The following TMEM41B variants were observed in gnomAD, a reference collection of about 807,000 sequenced individuals.
The protein encoded by TMEM41B is protein stasimon.
A neutral mutation model predicts 31.9 loss-of-function variants in TMEM41B; 18 were observed. The ratio of observed to expected loss-of-function variants is 0.56; its 90% CI spans 0.39 to 0.84. The LOEUF is 0.84. Among genes scored for constraint, TMEM41B ranks in the 40% least tolerant of loss-of-function variants. TMEM41B has a pLI of 0.00. For missense variants in TMEM41B, 322 were observed against 348.0 expected, an observed-to-expected ratio of 0.93 and a Z score of 0.59; for synonymous variants, 144 against 124.3, an observed-to-expected ratio of 1.16 and a Z score of -1.05.
At chr11:9,308,647 T>TGATC (rs1162552252) in intron 1 of TMEM41B, among the ~76,000 whole-genome samples, 1 of 152,180 alleles carries the variant, frequency 6.6e-6, no homozygotes, top group African/African-American at 2.4e-5. Flanking sequence ...AATCACTGAG[T>TGATC]GATCCATCAC....
intron 6 of TMEM41B, among the ~76,000 whole-genome samples, chr11:9,285,440 A>G (rs1039613889): frequency 1.3e-5 from 2 of 152,146 alleles, no homozygotes; most frequent in Non-Finnish European, 2.9e-5. Flanking sequence ...TCAAAAAGAC[A>G]TATTCTCACA....
At chr11:9,309,111 G>C (rs1167485640) in intron 1 of TMEM41B, among the ~76,000 whole-genome samples, 1 of 152,170 alleles carries the variant, frequency 6.6e-6, no homozygotes, top group African/African-American at 2.4e-5. Context: ...GCTGGGCGTG[G>C]TGACGTGTGC....
chr11:9,314,495 ACT>A lies in TMEM41B; in HGVS notation c.-56_-55del, dbSNP rs1853645572. On this transcript the variant is annotated 5_prime_UTR_variant, in exon 1 of 7. Transcript: ENST00000528080. Reference sequence around the variant, plus strand: ...GGTGCCGCGCCCCCTAAACAACAAAACTCTGTTGCAGGCTCCTTACTACGCCG... The same window carrying A: ...GGTGCCGCGCCCCCTAAACAACAAAACTGTTGCAGGCTCCTTACTACGCCG... 1.7e-5 allele frequency: 26 copies of A among 1,503,866 alleles called. No individual in the cohort carries two copies. Among genetic ancestry groups the A allele is most frequent in the Non-Finnish European group, 2.1e-5 (24 of 1,121,526 alleles). 93.2% of individuals were successfully genotyped at this position (1,503,866 alleles called of 1,614,324 possible). A position where few individuals can be genotyped will look rare whatever the true frequency, so the allele number is the denominator to read the frequency against.
At position 9,286,160 on chromosome 11, in the gene TMEM41B, T is replaced by C. The variant is rs77492596; in HGVS notation, c.706+295A>G. 4.0e-3 allele frequency among the ~76,000 whole-genome samples: 589 copies of C among 147,702 alleles called. 10 individuals carry two copies. The highest frequency in any genetic ancestry group is 0.026 in the East Asian group (132 of 5,006). ...GGAGAAAATTGCTCAAAAAAGGCAA[T>C]TTGATTTTTTTTCCTCTCCACTTAG... On this transcript the variant is annotated intron_variant, in intron 6 of 6. Transcript: ENST00000528080.
At position 9,281,402 on chromosome 11, in the gene TMEM41B, AAT is replaced by A. The variant is rs1179338040; in HGVS notation, c.*2020_*2021del. On this transcript the variant is annotated 3_prime_UTR_variant, in exon 7 of 7. Coordinates refer to ENST00000528080, the MANE Select transcript of TMEM41B (RefSeq NM_015012.4). ...GTGACATAAGAATACTACAATAATC[AAT>A]ATGTTTTCTTTGTATTTACAATAAA... 1 of 152,348 alleles carries A rather than the reference AAT, an allele frequency of 6.6e-6. No individual in the cohort carries two copies. Among genetic ancestry groups the A allele is most frequent in the East Asian group, 1.9e-4 (1 of 5,186 alleles). The allele number at this position is 152,348 out of a possible 1,614,324, so 9.4% of individuals were successfully genotyped here.
At chr11:9,293,217 C>A (rs1243453877) in intron 3 of TMEM41B, among the ~76,000 whole-genome samples, 1 of 151,916 alleles carries the variant, frequency 6.6e-6, no homozygotes, top group African/African-American at 2.4e-5. Context: ...ATCTTCCCAC[C>A]TCAGCCTCCC....
rs200007161 is a variant in TMEM41B at position 9,288,460 on chromosome 11, G to A, written c.444C>T (p.Ala148=). 1.9e-6 allele frequency: 3 copies of A among 1,585,198 alleles called. No individual in the cohort carries two copies. Among genetic ancestry groups the A allele is most frequent in the East Asian group, 2.3e-5 (1 of 44,258 alleles). The change falls in exon 4 of 7, where the codon GCC becomes GCT. Residue 148 remains alanine (A), a synonymous_variant. Transcript: ENST00000528080. ...TACTTACCAAACAAACAAGAAATAAGGCTAGTGGAAAGGGATAAAGAAACC... is the reference window on the plus strand; with the variant it reads ...TACTTACCAAACAAACAAGAAATAAAGCTAGTGGAAAGGGATAAAGAAACC... ...LSGFLYPFPL[A]LFLVCLCSGL...
At chr11:9,288,580 T>C (rs771829085) in intron 3 of TMEM41B, 45 bp from the exon 4 acceptor site, 1 of 1,341,182 alleles carries the variant, frequency 7.5e-7, no homozygotes, top group Non-Finnish European at 1.0e-6. Context: ...TAAGTAGAAT[T>C]TTAAAAGACA....
intron 3 of TMEM41B, among the ~76,000 whole-genome samples, chr11:9,291,981 T>C (rs965582817): frequency 6.6e-6 from 1 of 152,142 alleles, no homozygotes; most frequent in Non-Finnish European, 1.5e-5. Context: ...ACTGGAATTA[T>C]AGGTGTTAGC....
intron 5 of TMEM41B, 66 bp from the exon 6 acceptor site, chr11:9,286,659 AAC>A: frequency 6.8e-7 from 1 of 1,461,708 alleles, no homozygotes; most frequent in East Asian, 2.3e-5. Flanking sequence ...GCTTAATATA[AAC>A]ACCTTATTTC....
In TMEM41B at chr11:9,294,773, T is replaced by C. The variant is rs547755743; in HGVS notation, c.368+486A>G. Among the ~76,000 whole-genome samples, 43 of 152,070 alleles carry C rather than the reference T, an allele frequency of 2.8e-4. No individual in the cohort carries two copies. The South Asian group carries it at 8.1e-3, about 29-fold the overall frequency. Reference sequence around the variant, plus strand: ...AAACATTCATTCCTTTGAATAAGTATCTTAAGAATTTTTACAAAAGAAACA... The same window carrying C: ...AAACATTCATTCCTTTGAATAAGTACCTTAAGAATTTTTACAAAAGAAACA... On this transcript the variant is annotated intron_variant, in intron 3 of 6. Coordinates refer to ENST00000528080, the MANE Select transcript of TMEM41B (RefSeq NM_015012.4).
At chr11:9,299,046 CGA>C (rs1853171860) in intron 2 of TMEM41B, among the ~76,000 whole-genome samples, 1 of 151,678 alleles carries the variant, frequency 6.6e-6, no homozygotes, top group Non-Finnish European at 1.5e-5. Flanking sequence ...TTTGGGAGGC[CGA>C]GGCAGGTGGA....
intron 1 of TMEM41B, among the ~76,000 whole-genome samples, chr11:9,310,327 TCA>T (rs773883771): frequency 3.9e-5 from 6 of 151,900 alleles, no homozygotes; most frequent in Non-Finnish European, 8.8e-5. Context: ...AGCCACCATG[TCA>T]GCCTAAGTAA....
chr11:9,311,354 T>C (rs1460863807), intron 1 of TMEM41B: 1 of 1,502,710 alleles, frequency 6.7e-7, no homozygotes, highest in African/African-American at 1.4e-5. Context: ...CTTTCTTCAT[T>C]TTCTTCTGTA....
chr11:9,313,355 T>C lies in TMEM41B; in HGVS notation c.121+966A>G, dbSNP rs989508920. ...ATTAACATTTTCTACTACATACTCT[T>C]AGAAGTTCTCCTAGCCATCACTGGT... On this transcript the variant is annotated intron_variant, in intron 1 of 6. Coordinates refer to ENST00000528080, the MANE Select transcript of TMEM41B (RefSeq NM_015012.4). 2.0e-5 allele frequency among the ~76,000 whole-genome samples: 3 copies of C among 152,356 alleles called. No individual in the cohort carries two copies. In the South Asian group the frequency reaches 6.2e-4, roughly 32 times the overall value.
intron 6 of TMEM41B, 81 bp downstream of exon 6, chr11:9,286,374 C>T: frequency 7.2e-7 from 1 of 1,385,208 alleles, no homozygotes; most frequent in Non-Finnish European, 9.8e-7. Context: ...CTGCAGAGAG[C>T]ATGCATGTAA....
intron 1 of TMEM41B, among the ~76,000 whole-genome samples, chr11:9,301,105 AT>A (rs1853244464): frequency 6.6e-6 from 1 of 151,894 alleles, no homozygotes; most frequent in Admixed American, 6.6e-5. Context: ...AAAAATATGT[AT>A]ACTATATGGC....
intron 1 of TMEM41B, among the ~76,000 whole-genome samples, chr11:9,304,791 G>A (rs1409655329): frequency 6.6e-6 from 1 of 152,020 alleles, no homozygotes; most frequent in Non-Finnish European, 1.5e-5. Context: ...CCAAGTAGCT[G>A]GGACTACAGG....
Position 9,282,602 on chromosome 11 carries a change from T to A in TMEM41B, c.*822A>T, listed in dbSNP as rs1852742249. 6.6e-6 allele frequency: 1 copy of A among 152,110 alleles called. No homozygotes were observed. The highest frequency in any genetic ancestry group is 2.4e-5 in the African/African-American group (1 of 41,402). The allele number at this position is 152,110 out of a possible 1,614,324, so 9.4% of individuals were successfully genotyped here. ...ATCCTTTCCATATTCAGTCGTCTAC[T>A]AACATGCCATCTCCAAACAAATCCA... On this transcript the variant is annotated 3_prime_UTR_variant, in exon 7 of 7. Transcript: ENST00000528080.
Sources: allele counts gnomAD v4.1 joint callset (sites outside exome capture counted in the v4.1 genomes callset), GRCh38; gene constraint gnomAD v4.1.1; transcripts MANE v1.5; gene names NCBI Gene and HGNC (gene_info 2026-07-23, HGNC 2026-07-21).